Variants in DOK6 observed in about 807,000 individuals in gnomAD.
The protein encoded by DOK6 is docking protein 6, also known as downstream of tyrosine kinase 6.
A neutral mutation model predicts 44.0 loss-of-function variants in DOK6; 22 were observed. The ratio of observed to expected loss-of-function variants is 0.50; its 90% CI spans 0.36 to 0.71. DOK6 has a LOEUF of 0.71. Ranked by LOEUF, DOK6 falls within the 30% of genes least tolerant of loss-of-function variation. The probability of loss-of-function intolerance (pLI) is 0.00; values close to 1 mark genes in which losing one functional copy is unlikely to be tolerated. For synonymous variants in DOK6, 166 were observed against 145.5 expected (o/e 1.14, Z -1.01); for missense variants, 340 against 416.4 (o/e 0.82, Z 1.60).
At chr18:69,587,423 C>A (rs566513755) in intron 2 of DOK6, among the ~76,000 whole-genome samples, 1 of 152,252 alleles carries the variant, frequency 6.6e-6, no homozygotes, top group African/African-American at 2.4e-5. Flanking sequence ...CTTGTAAAGA[C>A]ACTTGCCATT....
At chr18:69,678,911 C>T (rs1021209878) in intron 4 of DOK6, among the ~76,000 whole-genome samples, 2 of 152,174 alleles carry the variant, frequency 1.3e-5, no homozygotes, top group African/African-American at 4.8e-5. Flanking sequence ...GGCGTGGTGG[C>T]TCACACCTGT....
Position 69,411,594 on chromosome 18 carries a change from CTT to C in DOK6, c.66+10287_66+10288del, listed in dbSNP as rs561556235. Among the ~76,000 whole-genome samples, 22 of 152,262 alleles carry C rather than the reference CTT, an allele frequency of 1.4e-4. No homozygotes were observed. In the South Asian group the frequency reaches 4.6e-3, roughly 32 times the overall value. On this transcript the variant is annotated intron_variant, in intron 1 of 7. Transcript: ENST00000382713. ...TTTGCCATTTGAAAATGATTAGTCTCTTTTCTTCTGTCTGCTTTTAACATGTT... is the reference window on the plus strand; with the variant it reads ...TTTGCCATTTGAAAATGATTAGTCTCTTCTTCTGTCTGCTTTTAACATGTT...
intron 3 of DOK6, among the ~76,000 whole-genome samples, chr18:69,673,135 C>A (rs1235798647): frequency 1.3e-5 from 2 of 152,036 alleles, no homozygotes; most frequent in Non-Finnish European, 2.9e-5. Context: ...ACAAAAAAGT[C>A]TTACTTGCAT....
chr18:69,471,670 G>A (rs1040503417), intron 1 of DOK6: 1 of 151,712 alleles, frequency 6.6e-6, no homozygotes, highest in Non-Finnish European at 1.5e-5. Context: ...GGATCAGGGA[G>A]ACCATTTAAG....
chr18:69,556,172 T>A (rs1467578077), intron 1 of DOK6, among the ~76,000 whole-genome samples: 1 of 152,180 alleles, frequency 6.6e-6, no homozygotes, highest in African/African-American at 2.4e-5. Context: ...AAAGCCAAGA[T>A]CCCTTCCTGA....
At chr18:69,499,080 C>A (rs1408577257) in intron 1 of DOK6, among the ~76,000 whole-genome samples, 2 of 151,958 alleles carry the variant, frequency 1.3e-5, no homozygotes, top group Non-Finnish European at 2.9e-5. Flanking sequence ...TTACATTTCG[C>A]AATGGTATAT....
intron 3 of DOK6, among the ~76,000 whole-genome samples, chr18:69,650,023 C>T (rs575797693): frequency 6.6e-6 from 1 of 151,998 alleles, no homozygotes; most frequent in Non-Finnish European, 1.5e-5. Context: ...CAAAAATCAC[C>T]ACAGAGCGAC....
Position 69,411,889 on chromosome 18 carries a change from T to G in DOK6, c.66+10579T>G, listed in dbSNP as rs138091869. Among the ~76,000 whole-genome samples the G allele has an allele frequency of 2.6e-5, 4 of 152,270 alleles. No homozygotes were observed. The East Asian group carries it at 7.7e-4, about 29-fold the overall frequency. ...TTTACGCTTTTACTCTTTCATCTCT[T>G]TGCCTCTCAGATCTTCAAGATAAAT... On this transcript the variant is annotated intron_variant, in intron 1 of 7. Coordinates refer to ENST00000382713, the MANE Select transcript of DOK6 (RefSeq NM_152721.6).
At position 69,467,222 on chromosome 18, in the gene DOK6, C is replaced by G. The variant is rs570960935; in HGVS notation, c.66+65912C>G. Among the ~76,000 whole-genome samples, 3 of 152,188 alleles carry G rather than the reference C, an allele frequency of 2.0e-5. 1 individual carries two copies. The highest frequency in any genetic ancestry group is 4.1e-4 in the South Asian group (2 of 4,826). ...GAAAACACGCCATATTCTATTATAGCTGCCTAAAGAGAAGAGGTCATTTGG... is the reference window on the plus strand; with the variant it reads ...GAAAACACGCCATATTCTATTATAGGTGCCTAAAGAGAAGAGGTCATTTGG... On this transcript the variant is annotated intron_variant, in intron 1 of 7. Coordinates refer to ENST00000382713, the MANE Select transcript of DOK6 (RefSeq NM_152721.6).
chr18:69,640,442 G>A (rs900067215), intron 3 of DOK6, among the ~76,000 whole-genome samples: 5 of 152,164 alleles, frequency 3.3e-5, no homozygotes, highest in African/African-American at 7.2e-5. Flanking sequence ...TATGCCCTTA[G>A]GTAATTTGCT....
intron 1 of DOK6, among the ~76,000 whole-genome samples, chr18:69,481,145 G>A (rs17185211): frequency 0.18 from 27,928 of 152,024 alleles, 3,085 homozygotes; most frequent in Non-Finnish European, 0.23. Flanking sequence ...GCCTTTTCTC[G>A]TTCACATCCC....
intron 1 of DOK6, among the ~76,000 whole-genome samples, chr18:69,490,816 G>C (rs1980714982): frequency 6.6e-6 from 1 of 152,142 alleles, no homozygotes; most frequent in African/African-American, 2.4e-5. Flanking sequence ...TTAAAGCCTT[G>C]TATTGGGTTT....
intron 1 of DOK6, among the ~76,000 whole-genome samples, chr18:69,518,369 G>C (rs978096269): frequency 2.0e-5 from 3 of 151,618 alleles, no homozygotes; most frequent in Non-Finnish European, 2.9e-5. Flanking sequence ...AGTGTGGGCT[G>C]AACTCCTCTT....
intron 2 of DOK6, among the ~76,000 whole-genome samples, chr18:69,584,032 C>CG (rs1555714826): frequency 2.8e-5 from 4 of 145,440 alleles, no homozygotes; most frequent in African/African-American, 1.0e-4. Context: ...GGCGTGAACC[C>CG]GGGAGGCGGA....
intron 4 of DOK6, among the ~76,000 whole-genome samples, chr18:69,682,035 T>G (rs577776863): frequency 6.6e-6 from 1 of 152,194 alleles, no homozygotes; most frequent in African/African-American, 2.4e-5. Flanking sequence ...GCTACATACA[T>G]TTCTTCTTTT....
intron 1 of DOK6, among the ~76,000 whole-genome samples, chr18:69,408,990 C>G (rs774002707): frequency 2.0e-5 from 3 of 152,050 alleles, no homozygotes; most frequent in Non-Finnish European, 4.4e-5. Flanking sequence ...GTGTCCCCAC[C>G]GAAATCTCAT....
intron 1 of DOK6, among the ~76,000 whole-genome samples, chr18:69,493,353 A>T (rs1980792659): frequency 6.6e-6 from 1 of 152,212 alleles, no homozygotes; most frequent in Non-Finnish European, 1.5e-5. Context: ...AGTGGCCAAG[A>T]CATGGACATC....
intron 1 of DOK6, chr18:69,469,984 C>A: frequency 5.5e-6 from 1 of 182,054 alleles, no homozygotes; most frequent in South Asian, 8.6e-5. Context: ...CTCCCCTACC[C>A]GCTGGGTATC....
At chr18:69,557,194 C>A (rs1378354030) in intron 1 of DOK6, among the ~76,000 whole-genome samples, 1 of 152,100 alleles carries the variant, frequency 6.6e-6, no homozygotes, top group Admixed American at 6.6e-5. Context: ...TTTCTAACAC[C>A]CCCTTTAGAG....
Sources: allele counts gnomAD v4.1 joint callset (sites outside exome capture counted in the v4.1 genomes callset), GRCh38; gene constraint gnomAD v4.1.1; transcripts MANE v1.5; gene names NCBI Gene and HGNC (gene_info 2026-07-23, HGNC 2026-07-21).